The following NRIP1 variants were observed in gnomAD, a reference collection of about 807,000 sequenced individuals.
NRIP1 encodes the protein nuclear receptor interacting protein 1.
A neutral mutation model predicts 75.0 loss-of-function variants in NRIP1; 28 were observed. The observed-to-expected ratio is 0.37, with a 90% CI of 0.28 to 0.51. NRIP1 has a LOEUF of 0.51. Among genes scored for constraint, NRIP1 ranks in the 20% least tolerant of loss-of-function variants. The pLI, the probability that NRIP1 is intolerant of heterozygous loss-of-function variation, is 0.92. For missense variants in NRIP1, 1,435 were observed against 1,343.7 expected, an observed-to-expected ratio of 1.07 and a Z score of -1.06; for synonymous variants, 526 against 487.6, an observed-to-expected ratio of 1.08 and a Z score of -1.04.
At chr21:14,986,096 C>G (rs2087395065) in intron 3 of NRIP1, among the ~76,000 whole-genome samples, 1 of 152,020 alleles carries the variant, frequency 6.6e-6, no homozygotes, top group South Asian at 2.1e-4. Context: ...TAATTATATG[C>G]CAAAGAATTT....
At chr21:15,059,959 T>C (rs1399562134) in intron 1 of NRIP1, among the ~76,000 whole-genome samples, 1 of 152,192 alleles carries the variant, frequency 6.6e-6, no homozygotes, top group African/African-American at 2.4e-5. Context: ...TTTTCAACTC[T>C]TTCCTATTCT....
At chr21:15,057,756 T>C (rs1222458017) in intron 1 of NRIP1, among the ~76,000 whole-genome samples, 1 of 152,218 alleles carries the variant, frequency 6.6e-6, no homozygotes. Flanking sequence ...TAACTATTCT[T>C]GCATTTTTCA....
intron 1 of NRIP1, among the ~76,000 whole-genome samples, chr21:15,054,618 G>A (rs916323711): frequency 6.6e-6 from 1 of 152,236 alleles, no homozygotes; most frequent in East Asian, 1.9e-4. Context: ...GAAAAAACGT[G>A]GAAGAGCTTC....
chr21:15,060,209 C>T (rs1488086777), intron 1 of NRIP1, among the ~76,000 whole-genome samples: 6 of 152,096 alleles, frequency 3.9e-5, no homozygotes, highest in African/African-American at 7.2e-5. Flanking sequence ...TTTCATAACT[C>T]GTAGTAAAAC....
At chr21:15,057,631 GTTT>G (rs750125300) in intron 1 of NRIP1, among the ~76,000 whole-genome samples, 3 of 152,158 alleles carry the variant, frequency 2.0e-5, no homozygotes, top group Non-Finnish European at 4.4e-5. Flanking sequence ...TGGGAGCAAG[GTTT>G]TTTAACGGCT....
intron 2 of NRIP1, among the ~76,000 whole-genome samples, chr21:15,035,720 T>C (rs1261234435): frequency 1.3e-5 from 2 of 151,860 alleles, no homozygotes; most frequent in Non-Finnish European, 2.9e-5. Flanking sequence ...CCATGGCCGG[T>C]TGATTTTTTG....
intron 3 of NRIP1, among the ~76,000 whole-genome samples, chr21:14,980,715 C>A (rs1044924651): frequency 8.6e-5 from 13 of 151,822 alleles, no homozygotes; most frequent in Non-Finnish European, 1.8e-4. Flanking sequence ...CTTGCTAAAT[C>A]AAGTACCACC....
rs778666371 is a variant in NRIP1, at chr21:14,965,586, T to C, written c.2607A>G (p.Pro869=). 6.2e-7 allele frequency: 1 copy of C among 1,614,038 alleles called. No individual in the cohort carries two copies. The highest frequency in any genetic ancestry group is 1.1e-5 in the South Asian group (1 of 91,084). Residue 869 remains proline, a synonymous_variant, in exon 4 of 4, where the codon CCA becomes CCG. Transcript: ENST00000318948. ...CAATGTTGTTTTTCATCTTTTTAAA[T>C]GGATTTTCTAATGGCTCAGTATAAA... ...RKLYTEPLEN[P]FKKMKNNIVD... is the part of the protein sequence containing the mutation.
At chr21:14,972,575 G>A (rs2086932091) in intron 3 of NRIP1, among the ~76,000 whole-genome samples, 1 of 152,098 alleles carries the variant, frequency 6.6e-6, no homozygotes, top group Non-Finnish European at 1.5e-5. Context: ...TATAACTTAA[G>A]AATGTTGCCA....
chr21:15,013,172 A>G (rs2088150610), intron 3 of NRIP1, among the ~76,000 whole-genome samples: 1 of 152,258 alleles, frequency 6.6e-6, no homozygotes, highest in South Asian at 2.1e-4. Flanking sequence ...TAAGTAAAAT[A>G]TAAATGAATA....
At chr21:15,021,465 T>C (rs1365611432) in intron 2 of NRIP1, among the ~76,000 whole-genome samples, 5 of 152,184 alleles carry the variant, frequency 3.3e-5, no homozygotes, top group African/African-American at 1.2e-4. Flanking sequence ...GAAAATGTCC[T>C]AACGCCGGAC....
At chr21:15,042,407 T>C (rs1049258342) in intron 2 of NRIP1, among the ~76,000 whole-genome samples, 1 of 152,220 alleles carries the variant, frequency 6.6e-6, no homozygotes, top group Admixed American at 6.5e-5. Context: ...AAGAAGACTA[T>C]GTTCACCACT....
intron 2 of NRIP1, among the ~76,000 whole-genome samples, chr21:15,014,786 T>C (rs1360563536): frequency 6.6e-6 from 1 of 151,686 alleles, no homozygotes; most frequent in East Asian, 1.9e-4. Context: ...TTAATTAATT[T>C]ACATACAAAA....
intron 3 of NRIP1, among the ~76,000 whole-genome samples, chr21:15,011,596 C>T (rs1455149200): frequency 6.6e-6 from 1 of 152,000 alleles, no homozygotes; most frequent in African/African-American, 2.4e-5. Flanking sequence ...TTTAATCAAA[C>T]TAGAAAAAAG....
chr21:15,005,520 A>G (rs551531880), intron 3 of NRIP1, among the ~76,000 whole-genome samples: 2 of 152,310 alleles, frequency 1.3e-5, no homozygotes, highest in South Asian at 4.1e-4. Flanking sequence ...GAGCTGCATC[A>G]GCAGCACAGC....
intron 2 of NRIP1, among the ~76,000 whole-genome samples, chr21:15,031,793 G>A (rs71317605): frequency 1.0e-4 from 14 of 139,816 alleles, no homozygotes; most frequent in African/African-American, 3.5e-4. Flanking sequence ...GAAGGCGCTC[G>A]GAGGATCACC....
Position 14,967,629 on chromosome 21 carries a change from C to T in NRIP1, c.564G>A (p.Leu188=), listed in dbSNP as rs536854679. The T allele has an allele frequency of 6.8e-6, 11 of 1,613,638 alleles. No homozygotes were observed. Among genetic ancestry groups the T allele is most frequent in the East Asian group, 4.5e-5 (2 of 44,882 alleles). The stretch of plus-strand genomic sequence containing the variant: ...GATCTTTAACTTTACTTTTCTTCAA[C>T]AAAGTTTTTAAGTGACTTGATGCAA... The part of the protein sequence containing the change: ...YGVASSHLKT[L]LKKSKVKDQK... Residue 188 remains leucine (L), a synonymous_variant, in exon 4 of 4, where the codon TTG becomes TTA. Transcript: ENST00000318948.
chr21:14,999,490 C>T (rs536125839), intron 3 of NRIP1, among the ~76,000 whole-genome samples: 14 of 151,976 alleles, frequency 9.2e-5, no homozygotes, highest in South Asian at 6.2e-4. Context: ...CTAATATAAA[C>T]GTAACAATTA....
Position 14,965,501 on chromosome 21 carries a change from C to T in NRIP1, c.2692G>A (p.Glu898Lys), listed in dbSNP as rs775447746. 2.7e-5 allele frequency: 43 copies of T among 1,613,832 alleles called. No homozygotes were observed. The East Asian group carries it at 9.4e-4, about 35-fold the overall frequency. The change falls in exon 4 of 4, where the codon GAA (glutamate) becomes AAA (lysine). Residue 898 changes from glutamate (E) to lysine (K), a missense_variant. Physicochemically the swap from Glu to Lys is moderately conservative, Grantham distance 56. Coordinates refer to ENST00000318948, the MANE Select transcript of NRIP1 (RefSeq NM_003489.4). ...EVLYGSLLNQ[E>K]ELKFSRNDLE... ...TCATTTCTGCTAAATTTCAGCTCTT[C>T]CTGGTTAAGCAAGGACCCATACAGT...
Sources: allele counts gnomAD v4.1 joint callset (sites outside exome capture counted in the v4.1 genomes callset), GRCh38; gene constraint gnomAD v4.1.1; transcripts MANE v1.5; gene names NCBI Gene and HGNC (gene_info 2026-07-23, HGNC 2026-07-21).